Variants in TMEM132D observed in about 807,000 individuals in gnomAD.
TMEM132D encodes mature OL transmembrane protein.
A neutral mutation model predicts 62.3 loss-of-function variants in TMEM132D; 21 were observed. The observed-to-expected ratio is 0.34, with a 90% CI of 0.24 to 0.49. The LOEUF is 0.49. Among genes scored for constraint, TMEM132D ranks in the 20% least tolerant of loss-of-function variants. TMEM132D has a pLI of 0.99. For synonymous variants in TMEM132D, 621 were observed against 575.6 expected (o/e 1.08, Z -1.13); for missense variants, 1,346 against 1,402.8 (o/e 0.96, Z 0.65).
At chr12:129,770,140 GTTGTTTTTT>G (rs1870689977) in intron 1 of TMEM132D, among the ~76,000 whole-genome samples, 1 of 104,310 alleles carries the variant, frequency 9.6e-6, no homozygotes, top group Non-Finnish European at 1.8e-5. Context: ...GGTTTTTTTG[GTTGTTTTTT>G]TTTTTTTTTT....
intron 4 of TMEM132D, among the ~76,000 whole-genome samples, chr12:129,232,420 G>A (rs891361881): frequency 6.6e-6 from 1 of 152,206 alleles, no homozygotes; most frequent in Non-Finnish European, 1.5e-5. Flanking sequence ...AAACACAGAA[G>A]TAAGGGAAAA....
intron 1 of TMEM132D, among the ~76,000 whole-genome samples, chr12:129,878,351 A>G (rs988090522): frequency 2.0e-5 from 3 of 152,198 alleles, no homozygotes; most frequent in Non-Finnish European, 2.9e-5. Flanking sequence ...GAGTTATAGT[A>G]TGGTGATCGG....
intron 5 of TMEM132D, among the ~76,000 whole-genome samples, chr12:129,166,412 T>C (rs1877552059): frequency 6.6e-6 from 1 of 152,126 alleles, no homozygotes; most frequent in Non-Finnish European, 1.5e-5. Flanking sequence ...CGGCTACTGT[T>C]TGACATGCAT....
chr12:129,646,074 T>C (rs1879770952), intron 2 of TMEM132D, among the ~76,000 whole-genome samples: 1 of 152,200 alleles, frequency 6.6e-6, no homozygotes, highest in Non-Finnish European at 1.5e-5. Flanking sequence ...ACTCCTTTAC[T>C]TTCTTAATAA....
At chr12:129,441,542 A>G (rs1872936998) in intron 3 of TMEM132D, among the ~76,000 whole-genome samples, 1 of 152,186 alleles carries the variant, frequency 6.6e-6, no homozygotes, top group African/African-American at 2.4e-5. Context: ...TGTGTGAGAC[A>G]CTGTCCAAAA....
At chr12:129,358,603 T>A (rs1167694174) in intron 3 of TMEM132D, among the ~76,000 whole-genome samples, 1 of 151,514 alleles carries the variant, frequency 6.6e-6, no homozygotes, top group Non-Finnish European at 1.5e-5. Flanking sequence ...AGGTGGGAGG[T>A]GGACATTAAA....
At chr12:129,468,270 G>A (rs553124849) in intron 3 of TMEM132D, among the ~76,000 whole-genome samples, 48 of 152,144 alleles carry the variant, frequency 3.2e-4, no homozygotes, top group Admixed American at 2.7e-3. Context: ...GAAGAGGGGT[G>A]GTGAGCAAAG....
At chr12:129,799,707 G>T (rs1019701053) in intron 1 of TMEM132D, among the ~76,000 whole-genome samples, 2 of 152,100 alleles carry the variant, frequency 1.3e-5, no homozygotes, top group African/African-American at 4.8e-5. Flanking sequence ...TTCCATCCCT[G>T]CTGTAAAGGA....
intron 1 of TMEM132D, among the ~76,000 whole-genome samples, chr12:129,824,628 G>T (rs1198572662): frequency 6.6e-6 from 1 of 152,220 alleles, no homozygotes; most frequent in African/African-American, 2.4e-5. Context: ...CAAGGGCACA[G>T]CAAGAAGGTG....
chr12:129,397,359 T>C (rs772878414), intron 3 of TMEM132D, among the ~76,000 whole-genome samples: 2 of 152,182 alleles, frequency 1.3e-5, no homozygotes, highest in African/African-American at 4.8e-5. Flanking sequence ...GTTCAGAAAT[T>C]AGATTTAATT....
At chr12:129,618,818 G>A (rs1017362945) in intron 2 of TMEM132D, among the ~76,000 whole-genome samples, 6 of 150,806 alleles carry the variant, frequency 4.0e-5, no homozygotes, top group Non-Finnish European at 8.8e-5. Flanking sequence ...TGCCCAAGGC[G>A]GTTGGGTACA....
chr12:129,581,822 C>T (rs1170254649), intron 2 of TMEM132D, among the ~76,000 whole-genome samples: 1 of 152,190 alleles, frequency 6.6e-6, no homozygotes, highest in Non-Finnish European at 1.5e-5. Context: ...AATCCAATGA[C>T]GTTGGCAATA....
chr12:129,598,790 C>A (rs1878412279), intron 2 of TMEM132D, among the ~76,000 whole-genome samples: 1 of 152,144 alleles, frequency 6.6e-6, no homozygotes, highest in African/African-American at 2.4e-5. Flanking sequence ...TTCAAGAATT[C>A]ATTCCCTCTT....
At chr12:129,523,937 G>A (rs1040416731) in intron 3 of TMEM132D, among the ~76,000 whole-genome samples, 1 of 152,124 alleles carries the variant, frequency 6.6e-6, no homozygotes, top group African/African-American at 2.4e-5. Flanking sequence ...TGCTATCTTA[G>A]GAAGATTCTA....
At chr12:129,714,124 C>G (rs10847926) in intron 1 of TMEM132D, among the ~76,000 whole-genome samples, 1 of 152,074 alleles carries the variant, frequency 6.6e-6, no homozygotes, top group Non-Finnish European at 1.5e-5. Context: ...GTCCTGCCCC[C>G]GGGGCCTTTG....
At chr12:129,107,422 C>T (rs1875535521) in intron 5 of TMEM132D, among the ~76,000 whole-genome samples, 2 of 152,128 alleles carry the variant, frequency 1.3e-5, no homozygotes, top group South Asian at 4.1e-4. Flanking sequence ...TTTCAACATG[C>T]CGTTTGAGCA....
At position 129,371,319 on chromosome 12, in the gene TMEM132D, G is replaced by A. The variant is rs1446688414; in HGVS notation, c.1116-33502C>T. On this transcript the variant is annotated intron_variant, in intron 3 of 8. Transcript: ENST00000422113. This position sits in a 1 kb window ranked among gnomAD's most constrained non-coding sequence, Gnocchi z 4.3. ...GATGATGGAGATAATGATGATGGTG[G>A]TGGTGATAACGATGGTGATGATTAT... is the stretch of plus-strand genomic sequence containing the variant. 6.6e-6 allele frequency among the ~76,000 whole-genome samples: 1 copy of A among 152,036 alleles called. No individual in the cohort carries two copies. The highest frequency in any genetic ancestry group is 1.9e-4 in the East Asian group (1 of 5,168).
intron 4 of TMEM132D, among the ~76,000 whole-genome samples, chr12:129,290,093 A>C (rs934370013): frequency 6.6e-6 from 1 of 152,184 alleles, no homozygotes; most frequent in Non-Finnish European, 1.5e-5. Flanking sequence ...GTTAACATTT[A>C]GGGAAGCTTA....
rs190379654 is a variant in TMEM132D, at chr12:129,093,534, A to G, written c.1444-8832T>C. Among the ~76,000 whole-genome samples the G allele has an allele frequency of 1.7e-3, 252 of 152,348 alleles. 1 individual carries two copies. Among genetic ancestry groups the G allele is most frequent in the African/African-American group, 5.4e-3 (224 of 41,576 alleles). On this transcript the variant is annotated intron_variant, in intron 5 of 8. Transcript: ENST00000422113. The stretch of plus-strand genomic sequence containing the variant: ...AAACCACTGCTCAATGAAATAAAAG[A>G]GGATGCAAACAAATGGAAGAACATC...
Sources: gnomAD v4.1 joint callset for allele counts (sites outside exome capture counted in the v4.1 genomes callset) on GRCh38, gnomAD v4.1.1 for gene constraint, Gnocchi (gnomAD v3.1) non-coding constraint, MANE v1.5 for transcripts, NCBI Gene and HGNC (gene_info 2026-07-23, HGNC 2026-07-21) for gene names.